LRRC74A: variants seen among roughly 807,000 people sequenced by gnomAD.
LRRC74A encodes the protein leucine rich repeat containing 74A.
In LRRC74A, 44 loss-of-function variants were observed where a neutral mutation model predicts 57.9. The observed-to-expected ratio is 0.76, with a 90% CI of 0.60 to 0.98. LRRC74A has a LOEUF of 0.98. Ranked by LOEUF, LRRC74A falls within the 50% of genes least tolerant of loss-of-function variation. The pLI, the probability that LRRC74A is intolerant of heterozygous loss-of-function variation, is 0.00. For missense variants in LRRC74A, 572 were observed against 574.0 expected, an observed-to-expected ratio of 1.00 and a Z score of 0.04; for synonymous variants, 211 against 219.4, an observed-to-expected ratio of 0.96 and a Z score of 0.34.
intron 12 of LRRC74A, 47 bp from the exon 13 acceptor site, chr14:76,867,309 G>A (rs1389506533): frequency 1.1e-6 from 1 of 889,574 alleles, no homozygotes; most frequent in East Asian, 2.6e-5. Flanking sequence ...CCTAGGGAGG[G>A]GTGAACAGAG....
At chr14:76,870,043 T>C (rs904459255) in intron 13 of LRRC74A, 82 bp from the exon 14 acceptor site, 1 of 1,488,276 alleles carries the variant, frequency 6.7e-7, no homozygotes, top group African/African-American at 1.4e-5. Context: ...CTCCTTTGGA[T>C]TTAAGCCTGT....
At chr14:76,869,822 A>T (rs1326669900) in intron 13 of LRRC74A, among the ~76,000 whole-genome samples, 1 of 152,140 alleles carries the variant, frequency 6.6e-6, no homozygotes, top group African/African-American at 2.4e-5. Context: ...CAAGGAAAAA[A>T]AATGAAGGTC....
chr14:76,843,741 A>C (rs1191645990), intron 5 of LRRC74A, among the ~76,000 whole-genome samples: 1 of 152,010 alleles, frequency 6.6e-6, no homozygotes, highest in Non-Finnish European at 1.5e-5. Context: ...TTTCTCTGTC[A>C]CCCAGGCTGG....
At chr14:76,869,971 G>A (rs1339442054) in intron 13 of LRRC74A, among the ~76,000 whole-genome samples, 154 bp from the exon 14 acceptor site, 2 of 152,186 alleles carry the variant, frequency 1.3e-5, no homozygotes, top group Non-Finnish European at 2.9e-5. Flanking sequence ...CACATGTGTA[G>A]TGGGGGAGAT....
intron 12 of LRRC74A, 62 bp downstream of exon 12, chr14:76,866,137 A>C: frequency 2.4e-6 from 3 of 1,245,500 alleles, no homozygotes; most frequent in Admixed American, 2.0e-5. Context: ...TGTGTGTCAG[A>C]GAGAGGGGAG....
In LRRC74A at chr14:76,867,422, G is replaced by T; in HGVS notation, c.1375G>T (p.Gly459Cys). The T allele has an allele frequency of 6.3e-7, 1 of 1,594,836 alleles. No homozygotes were observed. Among genetic ancestry groups the T allele is most frequent in the South Asian group, 1.1e-5 (1 of 90,664 alleles). Residue 459 changes from glycine (G) to cysteine (C), a missense_variant, in exon 13 of 14, where the codon GGC (glycine) becomes TGC (cysteine). By Grantham distance (159) the Gly-to-Cys change is radical. Transcript: ENST00000689127. Reference sequence around the variant, plus strand: ...GATAAAGAAGCTCGATGAGAAGACAGGCATGGTGAACTTCAGGTCAGCCCA... The same window carrying T: ...GATAAAGAAGCTCGATGAGAAGACATGCATGGTGAACTTCAGGTCAGCCCA... ...EVIKKLDEKT[G>C]MVNFSFLNTM...
At chr14:76,856,102 G>C (rs142645596) in intron 9 of LRRC74A, among the ~76,000 whole-genome samples, 1 of 152,292 alleles carries the variant, frequency 6.6e-6, no homozygotes, top group Non-Finnish European at 1.5e-5. Flanking sequence ...GCCCATCCCA[G>C]CTCTGTGGCC....
intron 9 of LRRC74A, among the ~76,000 whole-genome samples, chr14:76,856,436 G>A (rs1897879373): frequency 6.6e-6 from 1 of 152,234 alleles, no homozygotes; most frequent in Non-Finnish European, 1.5e-5. Context: ...ACCTTGCCAT[G>A]TCTGCCTGTG....
intron 10 of LRRC74A, 120 bp from the exon 11 acceptor site, chr14:76,860,573 C>A: frequency 2.0e-6 from 2 of 1,007,746 alleles, no homozygotes; most frequent in South Asian, 2.1e-5. Context: ...GCACTGAGAA[C>A]AAACTGGAAG....
At chr14:76,832,238 G>A (rs1477475754) in intron 3 of LRRC74A, among the ~76,000 whole-genome samples, 1 of 152,212 alleles carries the variant, frequency 6.6e-6, no homozygotes, top group Non-Finnish European at 1.5e-5. Context: ...CAAAGAAAGA[G>A]TTTAATGATC....
At position 76,870,136 on chromosome 14, in the gene LRRC74A, C is replaced by T. The variant is rs540149154; in HGVS notation, c.1403C>T (p.Thr468Met). Residue 468 changes from threonine to methionine, a missense_variant, in exon 14 of 14, where the codon ACG becomes ATG. Transcript: ENST00000689127. ...ACCTTTCGTACCAGTTTCTTGAACA[C>T]GATGAAGCCATAGCAACAAGTCTGG... is the stretch of plus-strand genomic sequence containing the variant. ...TGMVNFSFLN[T>M]MKP The T allele has an allele frequency of 6.2e-6, 10 of 1,611,486 alleles. No homozygotes were observed. Among genetic ancestry groups the T allele is most frequent in the Middle Eastern group, 1.6e-4 (1 of 6,080 alleles).
intron 1 of LRRC74A, among the ~76,000 whole-genome samples, chr14:76,827,647 A>G (rs72737550): frequency 0.11 from 16,072 of 152,120 alleles, 952 homozygotes; most frequent in East Asian, 0.25. Flanking sequence ...AATGAATATG[A>G]TTAATTCATT....
rs61149051 is a variant in LRRC74A at position 76,833,436 on chromosome 14, C to CTTTT, written c.339+2081_339+2084dup. Among the ~76,000 whole-genome samples the CTTTT allele has an allele frequency of 1.0e-4, 7 of 69,024 alleles. 1 individual carries two copies. In the South Asian group the frequency reaches 2.4e-3, roughly 23 times the overall value. 45.3% of individuals were successfully genotyped at this position (69,024 alleles called of 152,430 possible). On this transcript the variant is annotated intron_variant, in intron 3 of 13. Coordinates refer to ENST00000689127, the MANE Select transcript of LRRC74A (RefSeq NM_001385106.1). ...AGAGAGAGATGCCACATTCACATCA[C>CTTTT]TTTTTTTTTTTTTTTTTTTTTTTGA...
intron 5 of LRRC74A, among the ~76,000 whole-genome samples, chr14:76,838,824 C>T (rs960766897): frequency 6.6e-6 from 1 of 152,230 alleles, no homozygotes; most frequent in South Asian, 2.1e-4. Flanking sequence ...TAGTCTCAAA[C>T]TCCTGGGCTC....
intron 6 of LRRC74A, 96 bp from the exon 7 acceptor site, chr14:76,844,724 A>C: frequency 1.3e-6 from 1 of 742,462 alleles, no homozygotes; most frequent in East Asian, 2.7e-5. Context: ...AATTTTTGGT[A>C]CATCAGAGCC....
At position 76,849,031 on chromosome 14, in the gene LRRC74A, T is replaced by C. The variant is rs375151718; in HGVS notation, c.677-3334T>C. 3.7e-4 allele frequency among the ~76,000 whole-genome samples: 56 copies of C among 152,266 alleles called. 1 individual carries two copies. Among genetic ancestry groups the C allele is most frequent in the African/African-American group, 1.3e-3 (55 of 41,556 alleles). On this transcript the variant is annotated intron_variant, in intron 7 of 13. Coordinates refer to ENST00000689127, the MANE Select transcript of LRRC74A (RefSeq NM_001385106.1). ...CTAGGGTTGATGGGAGAGCAGAAGG[T>C]ATAAAATACCATGCAGGAGGGAGGA...
In LRRC74A at chr14:76,843,252, C is replaced by T. The variant is rs148073784; in HGVS notation, c.545-1171C>T. ...AAGCCGAGATCACGCCACTGCACTGCACTCCAGTCTGGGTGACAGAGCGAG... is the reference window on the plus strand; with the variant it reads ...AAGCCGAGATCACGCCACTGCACTGTACTCCAGTCTGGGTGACAGAGCGAG... On this transcript the variant is annotated intron_variant, in intron 5 of 13. Transcript: ENST00000689127. Among the ~76,000 whole-genome samples, 796 of 147,564 alleles carry T rather than the reference C, an allele frequency of 5.4e-3. 7 individuals carry two copies. Among genetic ancestry groups the T allele is most frequent in the African/African-American group, 0.019 (747 of 39,282 alleles).
chr14:76,840,876 C>A (rs1479354623), intron 5 of LRRC74A, among the ~76,000 whole-genome samples: 1 of 152,080 alleles, frequency 6.6e-6, no homozygotes, highest in African/African-American at 2.4e-5. Context: ...AGCCACCGCA[C>A]CTGGCCTATT....
At chr14:76,857,120 A>AGACGGATG (rs1897957359) in intron 9 of LRRC74A, among the ~76,000 whole-genome samples, 1 of 147,522 alleles carries the variant, frequency 6.8e-6, no homozygotes. Flanking sequence ...GTAGGTGGAT[A>AGACGGATG]GATGGATGGA....
Sources: gnomAD v4.1 joint callset for allele counts (sites outside exome capture counted in the v4.1 genomes callset) on GRCh38, gnomAD v4.1.1 for gene constraint, MANE v1.5 for transcripts, NCBI Gene and HGNC (gene_info 2026-07-23, HGNC 2026-07-21) for gene names.